The following PRKAR2B variants were observed in gnomAD, a reference collection of about 807,000 sequenced individuals.
The protein encoded by PRKAR2B is cAMP-dependent protein kinase type II-beta regulatory subunit.
Under a neutral mutation model 49.9 loss-of-function variants are expected in PRKAR2B, and 14 were observed. The ratio of observed to expected loss-of-function variants is 0.28; its 90% confidence interval spans 0.19 to 0.44. PRKAR2B has a LOEUF of 0.44. Ranked by LOEUF, PRKAR2B falls within the 20% of genes least tolerant of loss-of-function variation. The pLI is 1.00. For missense variants in PRKAR2B, 393 were observed against 537.9 expected (o/e 0.73, Z 2.67); for synonymous variants, 196 against 197.7 (o/e 0.99, Z 0.07).
chr7:107,093,184 A>G (rs564322520), intron 2 of PRKAR2B, among the ~76,000 whole-genome samples: 1 of 152,294 alleles, frequency 6.6e-6, no homozygotes, highest in South Asian at 2.1e-4. Flanking sequence ...GTGAATATGG[A>G]CGTACAGATA....
At chr7:107,112,757 C>A (rs910219845) in intron 2 of PRKAR2B, among the ~76,000 whole-genome samples, 8 of 152,048 alleles carry the variant, frequency 5.3e-5, no homozygotes, top group African/African-American at 1.4e-4. Flanking sequence ...ATGAAAAAAA[C>A]CAGTCTGAAT....
At chr7:107,098,608 C>T (rs1187285982) in intron 2 of PRKAR2B, among the ~76,000 whole-genome samples, 2 of 152,114 alleles carry the variant, frequency 1.3e-5, no homozygotes, top group African/African-American at 2.4e-5. Context: ...TTTTTAGAAT[C>T]GTTAGCTTTT....
intron 8 of PRKAR2B, among the ~76,000 whole-genome samples, chr7:107,156,762 C>T (rs1380088010): frequency 4.0e-5 from 6 of 151,326 alleles, no homozygotes; most frequent in Middle Eastern, 3.4e-3. Flanking sequence ...GCCGAGATCG[C>T]GCCACTGCAT....
At chr7:107,083,656 A>T (rs1367726120) in intron 2 of PRKAR2B, among the ~76,000 whole-genome samples, 1 of 152,142 alleles carries the variant, frequency 6.6e-6, no homozygotes, top group African/African-American at 2.4e-5. Context: ...TCTGTCACCC[A>T]GGCTGGAGTG....
intron 2 of PRKAR2B, among the ~76,000 whole-genome samples, chr7:107,119,504 C>T (rs1420351061): frequency 6.6e-6 from 1 of 152,100 alleles, no homozygotes; most frequent in Non-Finnish European, 1.5e-5. Flanking sequence ...TGAAGTTGGC[C>T]ATCTCTGGGG....
chr7:107,128,068 A>G lies in PRKAR2B; in HGVS notation c.397-144A>G, dbSNP rs541503432. 4 of 609,770 alleles carry G rather than the reference A, an allele frequency of 6.6e-6. No individual in the cohort carries two copies. In the South Asian group the frequency reaches 8.4e-5, roughly 13 times the overall value. 37.8% of individuals were successfully genotyped at this position (609,770 alleles called of 1,614,324 possible). A position where few individuals can be genotyped will look rare whatever the true frequency, so the allele number is the denominator to read the frequency against. On this transcript the variant is annotated intron_variant, in intron 3 of 10. Transcript: ENST00000265717. ...ATAAGTTACCAGTCACCAAAAGTGA[A>G]TCTCAGCACCAACCTGAAGCAAACT...
At chr7:107,128,157 T>A in intron 3 of PRKAR2B, 55 bp from the exon 4 acceptor site, 1 of 1,127,900 alleles carries the variant, frequency 8.9e-7, no homozygotes, top group Non-Finnish European at 1.3e-6. Flanking sequence ...AAAATCTCTT[T>A]GAGTGAGATG....
At chr7:107,096,440 T>G (rs1452795785) in intron 2 of PRKAR2B, among the ~76,000 whole-genome samples, 1 of 152,122 alleles carries the variant, frequency 6.6e-6, no homozygotes, top group African/African-American at 2.4e-5. Flanking sequence ...TTTGTTGATC[T>G]TTTCAAAAAA....
intron 4 of PRKAR2B, among the ~76,000 whole-genome samples, chr7:107,139,843 CA>C (rs1795760339): frequency 1.3e-5 from 2 of 152,216 alleles, no homozygotes; most frequent in East Asian, 3.9e-4. Context: ...CTGTGTTTTC[CA>C]CTTGCATCTT....
chr7:107,045,337 C>G, intron 1 of PRKAR2B, 123 bp downstream of exon 1: 1 of 846,974 alleles, frequency 1.2e-6, no homozygotes, highest in East Asian at 2.9e-5. Flanking sequence ...CCACCTTTCC[C>G]TACCTTCCCA....
chr7:107,093,309 TG>T (rs1221047013), intron 2 of PRKAR2B, among the ~76,000 whole-genome samples: 1 of 152,202 alleles, frequency 6.6e-6, no homozygotes, highest in African/African-American at 2.4e-5. Flanking sequence ...TTTTCCATGG[TG>T]CTGCACCATT....
chr7:107,141,609 T>C (rs1299595473), intron 5 of PRKAR2B, among the ~76,000 whole-genome samples: 1 of 152,164 alleles, frequency 6.6e-6, no homozygotes, highest in Non-Finnish European at 1.5e-5. Flanking sequence ...CGAGAATTGC[T>C]TGAACCCGGC....
chr7:107,073,034 GT>G, intron 2 of PRKAR2B, among the ~76,000 whole-genome samples: 1 of 152,212 alleles, frequency 6.6e-6, no homozygotes, highest in Admixed American at 6.5e-5. Flanking sequence ...AGTGCTATGT[GT>G]TCTATCATTG....
chr7:107,070,876 G>T (rs551463477), intron 2 of PRKAR2B, among the ~76,000 whole-genome samples: 1 of 152,286 alleles, frequency 6.6e-6, no homozygotes, highest in East Asian at 1.9e-4. Context: ...TGCCCCTGAG[G>T]CTATTGCTGG....
chr7:107,072,709 CT>C (rs1225571966), intron 2 of PRKAR2B, among the ~76,000 whole-genome samples: 1 of 151,184 alleles, frequency 6.6e-6, no homozygotes, highest in Non-Finnish European at 1.5e-5. Context: ...TGTACATTAA[CT>C]TTTTTAAAAA....
intron 1 of PRKAR2B, among the ~76,000 whole-genome samples, chr7:107,047,054 C>T (rs1044696055): frequency 5.9e-5 from 9 of 152,098 alleles, no homozygotes; most frequent in Non-Finnish European, 8.8e-5. Flanking sequence ...CTCCAAGGCA[C>T]CTTTGCTGTA....
chr7:107,153,352 C>A, intron 8 of PRKAR2B, 101 bp downstream of exon 8: 1 of 734,412 alleles, frequency 1.4e-6, no homozygotes, highest in Non-Finnish European at 2.1e-6. Flanking sequence ...AATTAGTATG[C>A]AGTGATGGGT....
intron 2 of PRKAR2B, among the ~76,000 whole-genome samples, chr7:107,071,076 G>C (rs1794263298): frequency 1.3e-5 from 2 of 152,190 alleles, no homozygotes; most frequent in African/African-American, 4.8e-5. Context: ...CTATTATTTA[G>C]AAAATTCACC....
At chr7:107,068,041 T>A (rs1794187699) in intron 1 of PRKAR2B, among the ~76,000 whole-genome samples, 1 of 152,192 alleles carries the variant, frequency 6.6e-6, no homozygotes, top group Non-Finnish European at 1.5e-5. Context: ...TTGTGGAGTT[T>A]GCCTGACAAA....
Sources: gnomAD v4.1 joint callset for allele counts (sites outside exome capture counted in the v4.1 genomes callset) on GRCh38, gnomAD v4.1.1 for gene constraint, MANE v1.5 for transcripts, NCBI Gene and HGNC (gene_info 2026-07-23, HGNC 2026-07-21) for gene names.